LRFN5: variants seen among roughly 807,000 people sequenced by gnomAD.
LRFN5 encodes the protein leucine rich repeat and fibronectin type III domain containing 5.
Under a neutral mutation model 45.6 loss-of-function variants are expected in LRFN5, and 24 were observed. The observed-to-expected ratio is 0.53, with a 90% CI of 0.38 to 0.74. The LOEUF is 0.74. LRFN5 is among the 30% of genes least tolerant of loss of function. The probability of loss-of-function intolerance (pLI) is 0.00; values close to 1 mark genes in which losing one functional copy is unlikely to be tolerated. For missense variants in LRFN5, 776 were observed against 861.5 expected (o/e 0.90, Z 1.24); for synonymous variants, 340 against 313.8 (o/e 1.08, Z -0.88).
At chr14:41,843,709 C>T (rs2139059421) in intron 2 of LRFN5, among the ~76,000 whole-genome samples, 1 of 152,150 alleles carries the variant, frequency 6.6e-6, no homozygotes, top group African/African-American at 2.4e-5. Context: ...TACTTTCTTG[C>T]CTACGTATAC....
At chr14:41,710,108 C>T (rs952003902) in intron 1 of LRFN5, among the ~76,000 whole-genome samples, 2 of 152,126 alleles carry the variant, frequency 1.3e-5, no homozygotes. Context: ...GTATAATTTA[C>T]AGCTCTTGAA....
chr14:41,672,356 C>A lies in LRFN5; in HGVS notation c.-197+63794C>A, dbSNP rs1180489965. Among the ~76,000 whole-genome samples, 7 of 151,978 alleles carry A rather than the reference C, an allele frequency of 4.6e-5. No homozygotes were observed. In the East Asian group the frequency reaches 5.8e-4, roughly 13 times the overall value. ...CTCCTTCTCTTTATTTATTAAAATT[C>A]TATTCTTTTTTCAGAACATAGTTTA... is the stretch of plus-strand genomic sequence containing the variant. On this transcript the variant is annotated intron_variant, in intron 1 of 5. Coordinates refer to ENST00000298119, the MANE Select transcript of LRFN5 (RefSeq NM_152447.5).
rs1014258766 is a variant in LRFN5, at chr14:41,608,064, A to G, written c.-695A>G. ...ATTACGTGGATTCGGGTTGGAGGAG[A>G]ACTTGAAGGAAACGTGATTAAAGGG... On this transcript the variant is annotated 5_prime_UTR_variant, in exon 1 of 6. Coordinates refer to ENST00000298119, the MANE Select transcript of LRFN5 (RefSeq NM_152447.5). 1 of 152,054 alleles carries G rather than the reference A, an allele frequency of 6.6e-6. No individual in the cohort carries two copies. Among genetic ancestry groups the G allele is most frequent in the Non-Finnish European group, 1.5e-5 (1 of 68,034 alleles). 9.4% of individuals were successfully genotyped at this position (152,054 alleles called of 1,614,324 possible). A position where few individuals can be genotyped will look rare whatever the true frequency, so the allele number is the denominator to read the frequency against.
In LRFN5 at chr14:41,750,190, C is replaced by A. The variant is rs953941806; in HGVS notation, c.-196-16664C>A. On this transcript the variant is annotated intron_variant, in intron 1 of 5. Coordinates refer to ENST00000298119, the MANE Select transcript of LRFN5 (RefSeq NM_152447.5). ...CCATTTTATTTCTTATTGTTTACATCCTGTATAATGTTATCAGTTTTCTTC... is the reference window on the plus strand; with the variant it reads ...CCATTTTATTTCTTATTGTTTACATACTGTATAATGTTATCAGTTTTCTTC... 2.0e-5 allele frequency among the ~76,000 whole-genome samples: 3 copies of A among 150,544 alleles called. No homozygotes were observed. The Admixed American group carries it at 2.0e-4, about 10-fold the overall frequency.
intron 1 of LRFN5, among the ~76,000 whole-genome samples, chr14:41,708,230 TA>T (rs1187181439): frequency 1.3e-5 from 2 of 151,984 alleles, no homozygotes; most frequent in Admixed American, 1.3e-4. Context: ...CCGGAAACTT[TA>T]AACATACATT....
At chr14:41,730,275 A>G (rs1181703878) in intron 1 of LRFN5, among the ~76,000 whole-genome samples, 3 of 152,102 alleles carry the variant, frequency 2.0e-5, no homozygotes, top group African/African-American at 7.2e-5. Flanking sequence ...ATTTAAAAAT[A>G]AATAAAGGTC....
chr14:41,754,292 G>T (rs1374363201), intron 1 of LRFN5, among the ~76,000 whole-genome samples: 1 of 152,150 alleles, frequency 6.6e-6, no homozygotes, highest in East Asian at 1.9e-4. Flanking sequence ...ATGAGTTAGG[G>T]AGGATTTCCT....
intron 1 of LRFN5, among the ~76,000 whole-genome samples, chr14:41,708,444 T>C (rs1257120030): frequency 6.6e-6 from 1 of 152,040 alleles, no homozygotes; most frequent in Non-Finnish European, 1.5e-5. Flanking sequence ...TGTGATACTA[T>C]TATCAGGCTT....
chr14:41,844,223 G>T (rs1192499700), intron 2 of LRFN5, among the ~76,000 whole-genome samples: 2 of 152,122 alleles, frequency 1.3e-5, no homozygotes, highest in African/African-American at 2.4e-5. Flanking sequence ...GGATCACGAG[G>T]TCAGGAGATC....
chr14:41,677,543 A>G lies in LRFN5; in HGVS notation c.-197+68981A>G, dbSNP rs554223256. Among the ~76,000 whole-genome samples the G allele has an allele frequency of 6.8e-4, 103 of 152,304 alleles. No individual in the cohort carries two copies. In the Middle Eastern group the frequency reaches 0.01, roughly 15 times the overall value. On this transcript the variant is annotated intron_variant, in intron 1 of 5. Transcript: ENST00000298119. Reference sequence around the variant, plus strand: ...GCCTCATAAAATACAGAATATTAATAAAGAGATGCAACTTGTTTGAAAGAA... The same window carrying G: ...GCCTCATAAAATACAGAATATTAATGAAGAGATGCAACTTGTTTGAAAGAA...
chr14:41,723,149 G>A (rs942591649), intron 1 of LRFN5, among the ~76,000 whole-genome samples: 1 of 152,180 alleles, frequency 6.6e-6, no homozygotes, highest in Admixed American at 6.5e-5. Context: ...GAATGGTGGG[G>A]TGCCTCAGGC....
chr14:41,791,689 T>C (rs1886926803), intron 2 of LRFN5, among the ~76,000 whole-genome samples: 1 of 152,114 alleles, frequency 6.6e-6, no homozygotes, highest in Non-Finnish European at 1.5e-5. Flanking sequence ...GCTTTTTTAC[T>C]GATAAAAGTG....
intron 2 of LRFN5, among the ~76,000 whole-genome samples, chr14:41,789,884 T>C (rs1013408834): frequency 6.9e-6 from 1 of 144,044 alleles, no homozygotes; most frequent in Non-Finnish European, 1.5e-5. Flanking sequence ...TCATAAACAA[T>C]TTGCATCCGA....
At chr14:41,904,073 C>G (rs1235073601) in intron 5 of LRFN5, 85 bp from the exon 6 acceptor site, 12 of 1,174,708 alleles carry the variant, frequency 1.0e-5, no homozygotes, top group Non-Finnish European at 1.3e-5. Flanking sequence ...TTTTAGATTG[C>G]TAGCACAATG....
chr14:41,786,016 C>T (rs1341456855), intron 2 of LRFN5, among the ~76,000 whole-genome samples: 1 of 148,816 alleles, frequency 6.7e-6, no homozygotes. Flanking sequence ...GTTCCCTGCC[C>T]TGGGGTTGGG....
At chr14:41,647,916 A>C (rs993198876) in intron 1 of LRFN5, among the ~76,000 whole-genome samples, 2 of 152,214 alleles carry the variant, frequency 1.3e-5, no homozygotes, top group African/African-American at 2.4e-5. Flanking sequence ...AATTTTAAGA[A>C]GAATAAAGAT....
At chr14:41,732,458 A>G (rs750102864) in intron 1 of LRFN5, among the ~76,000 whole-genome samples, 1 of 152,186 alleles carries the variant, frequency 6.6e-6, no homozygotes. Flanking sequence ...AAAAATACAT[A>G]TATTAGGTAA....
At chr14:41,620,688 A>C (rs1295181815) in intron 1 of LRFN5, among the ~76,000 whole-genome samples, 1 of 152,054 alleles carries the variant, frequency 6.6e-6, no homozygotes, top group Non-Finnish European at 1.5e-5. Flanking sequence ...TTATTATTCT[A>C]TTGGGATCAA....
chr14:41,723,515 C>T lies in LRFN5; in HGVS notation c.-196-43339C>T, dbSNP rs888300957. ...AGCTCAGGCTGCTAGTTCATGTTAG[C>T]GGATGTCCCAAATGCCTGGTGATCT... On this transcript the variant is annotated intron_variant, in intron 1 of 5. Transcript: ENST00000298119. Among the ~76,000 whole-genome samples, 5 of 152,114 alleles carry T rather than the reference C, an allele frequency of 3.3e-5. No homozygotes were observed. The South Asian group carries it at 8.3e-4, about 25-fold the overall frequency.
Sources: allele counts gnomAD v4.1 joint callset (sites outside exome capture counted in the v4.1 genomes callset), GRCh38; gene constraint gnomAD v4.1.1; transcripts MANE v1.5; gene names NCBI Gene and HGNC (gene_info 2026-07-23, HGNC 2026-07-21).